The following IFT80 variants were observed in gnomAD, a reference collection of about 807,000 sequenced individuals.
The protein encoded by IFT80 is intraflagellar transport 80.
IFT80 carries 79 observed loss-of-function variants against 107.9 expected under a neutral mutation model. The observed-to-expected ratio is 0.73, with a 90% confidence interval of 0.61 to 0.88. The LOEUF (loss-of-function observed/expected upper bound fraction) is 0.88, where lower values mean the gene tolerates loss of function less well. Ranked by LOEUF, IFT80 falls within the 40% of genes least tolerant of loss-of-function variation. The pLI is 0.00. For synonymous variants in IFT80, 299 were observed against 300.9 expected (o/e 0.99, Z 0.07); for missense variants, 797 against 914.2 (o/e 0.87, Z 1.65).
chr3:160,303,867 T>A (rs1350810030), intron 11 of IFT80, 48 bp downstream of exon 11: 7 of 1,164,244 alleles, frequency 6.0e-6, no homozygotes, highest in Non-Finnish European at 3.9e-6. Context: ...AGTGCTTTAA[T>A]GCTATTTATT....
At chr3:160,398,949 T>C (rs1477142246) in intron 1 of IFT80, among the ~76,000 whole-genome samples, 197 bp downstream of exon 1, 1 of 152,162 alleles carries the variant, frequency 6.6e-6, no homozygotes, top group Admixed American at 6.5e-5. Flanking sequence ...GGTCTTCCAG[T>C]TGTCTCTCTA....
At chr3:160,262,690 T>C (rs757261844) in intron 19 of IFT80, among the ~76,000 whole-genome samples, 3 of 152,144 alleles carry the variant, frequency 2.0e-5, no homozygotes, top group Non-Finnish European at 4.4e-5. Flanking sequence ...TTGTCTCTAG[T>C]AAAGGAGAAT....
At chr3:160,309,268 C>T (rs1717048058) in intron 9 of IFT80, among the ~76,000 whole-genome samples, 1 of 152,004 alleles carries the variant, frequency 6.6e-6, no homozygotes, top group Non-Finnish European at 1.5e-5. Flanking sequence ...TAGCAAAAGA[C>T]TGGAAATAGC....
chr3:160,365,051 A>G (rs1721774492), intron 6 of IFT80, among the ~76,000 whole-genome samples: 1 of 152,052 alleles, frequency 6.6e-6, no homozygotes, highest in South Asian at 2.1e-4. Context: ...AACTAAAGGT[A>G]TAAACTAAAA....
intron 11 of IFT80, among the ~76,000 whole-genome samples, chr3:160,303,667 A>G (rs1235320266): frequency 6.6e-6 from 1 of 152,242 alleles, no homozygotes; most frequent in African/African-American, 2.4e-5. Flanking sequence ...AAATGCTGAT[A>G]TATTTAATCC....
At chr3:160,300,827 T>A (rs985991821) in intron 12 of IFT80, 56 bp downstream of exon 12, 55 of 1,385,444 alleles carry the variant, frequency 4.0e-5, no homozygotes, top group Non-Finnish European at 4.9e-5. Context: ...TTGTGAAAAT[T>A]TTATAGTGTT....
At chr3:160,312,282 C>G (rs1717330266) in intron 9 of IFT80, among the ~76,000 whole-genome samples, 1 of 151,678 alleles carries the variant, frequency 6.6e-6, no homozygotes, top group Admixed American at 6.6e-5. Flanking sequence ...ACATATGAAG[C>G]CCCATGTAGC....
At chr3:160,307,561 A>G in intron 10 of IFT80, 102 bp downstream of exon 10, 1 of 774,866 alleles carries the variant, frequency 1.3e-6, no homozygotes, top group East Asian at 2.4e-5. Flanking sequence ...GTTTTGAGAA[A>G]GTTAAGCTTA....
intron 6 of IFT80, among the ~76,000 whole-genome samples, chr3:160,363,655 C>T (rs1157252727): frequency 6.6e-6 from 1 of 152,150 alleles, no homozygotes; most frequent in Non-Finnish European, 1.5e-5. Flanking sequence ...GGTACCAAAA[C>T]AGAGATACAC....
chr3:160,265,690 T>C lies in IFT80; in HGVS notation c.2223+2723A>G, dbSNP rs1713259991. 2.6e-5 allele frequency among the ~76,000 whole-genome samples: 4 copies of C among 152,196 alleles called. No individual in the cohort carries two copies. In the South Asian group the frequency reaches 8.3e-4, roughly 31 times the overall value. On this transcript the variant is annotated intron_variant, in intron 19 of 19. Coordinates refer to ENST00000326448, the MANE Select transcript of IFT80 (RefSeq NM_020800.3). ...AAATGGCCAAATAACATTTCAGGGC[T>C]CATAAACTAAGTGTCTATCAAACTT... is the stretch of plus-strand genomic sequence containing the variant.
chr3:160,265,091 G>A (rs1386648541), intron 19 of IFT80, among the ~76,000 whole-genome samples: 1 of 152,142 alleles, frequency 6.6e-6, no homozygotes, highest in Non-Finnish European at 1.5e-5. Flanking sequence ...CAATTACCTA[G>A]ACAACTGTCA....
chr3:160,268,498 T>C lies in IFT80; in HGVS notation c.2138A>G (p.Asp713Gly), dbSNP rs1713528985. 1.4e-5 allele frequency: 23 copies of C among 1,613,244 alleles called. No individual in the cohort carries two copies. Among genetic ancestry groups the C allele is most frequent in the Non-Finnish European group, 1.8e-5 (21 of 1,179,306 alleles). Residue 713 changes from aspartate (D) to glycine (G), a missense_variant, in exon 19 of 20, where the codon GAT (aspartate) becomes GGT (glycine). By Grantham distance (94) the Asp-to-Gly change is moderately conservative (BLOSUM62 -1). Coordinates refer to ENST00000326448, the MANE Select transcript of IFT80 (RefSeq NM_020800.3). Reference sequence around the variant, plus strand: ...CTTTTGACGGTAAGCAAGAACTGTATCAACATGTGTTTTGTATTTTACAGC... The same window carrying C: ...CTTTTGACGGTAAGCAAGAACTGTACCAACATGTGTTTTGTATTTTACAGC... Reference protein sequence around the residue: ...ELAVKYKTHVDTVLAYRQKFL... With the variant: ...ELAVKYKTHVGTVLAYRQKFL...
At chr3:160,332,315 A>C (rs894570568) in intron 8 of IFT80, among the ~76,000 whole-genome samples, 2 of 152,192 alleles carry the variant, frequency 1.3e-5, no homozygotes, top group African/African-American at 2.4e-5. Context: ...GGGTGTCATC[A>C]AGAACATGAA....
chr3:160,377,498 CT>C lies in IFT80; in HGVS notation c.301del (p.Ser101ValfsTer2), dbSNP rs760622238. ...TACTGCTCCACAGTGAGCTTCTACA[CT>C]TTTTTCCACTCTTCCTAACTTGGAA... ...LISKLGRVEK[S>X]VEAHCGAVLA... On this transcript the variant is annotated frameshift_variant, in exon 4 of 20. Coordinates refer to ENST00000326448, the MANE Select transcript of IFT80 (RefSeq NM_020800.3). LOFTEE classifies it high-confidence loss of function. 1.2e-5 allele frequency: 19 copies of C among 1,609,562 alleles called. No individual in the cohort carries two copies. Among genetic ancestry groups the C allele is most frequent in the Non-Finnish European group, 1.6e-5 (19 of 1,177,202 alleles).
At chr3:160,280,840 G>A in intron 14 of IFT80, 26 bp from the exon 15 acceptor site, 1 of 1,597,282 alleles carries the variant, frequency 6.3e-7, no homozygotes, top group Non-Finnish European at 8.6e-7. Context: ...ATGTTAATGT[G>A]CTATTAGCTT....
At chr3:160,294,314 G>A (rs1244442435) in intron 12 of IFT80, among the ~76,000 whole-genome samples, 1 of 152,134 alleles carries the variant, frequency 6.6e-6, no homozygotes, top group African/African-American at 2.4e-5. Flanking sequence ...TGCCTCAAGA[G>A]GGCTCAAGCT....
At chr3:160,368,379 A>T (rs1035687938) in intron 5 of IFT80, among the ~76,000 whole-genome samples, 4 of 138,766 alleles carry the variant, frequency 2.9e-5, no homozygotes, top group Admixed American at 2.8e-4. Context: ...AAAAAAAAAA[A>T]CCCTGAAACA....
At chr3:160,308,883 T>C (rs1717020572) in intron 9 of IFT80, among the ~76,000 whole-genome samples, 1 of 152,126 alleles carries the variant, frequency 6.6e-6, no homozygotes, top group Non-Finnish European at 1.5e-5. Context: ...GGTGTTCTTA[T>C]AAAAGAGGAC....
chr3:160,320,828 C>CT (rs2108299391), intron 8 of IFT80, among the ~76,000 whole-genome samples: 1 of 151,670 alleles, frequency 6.6e-6, no homozygotes, highest in Non-Finnish European at 1.5e-5. Flanking sequence ...TCATTATTAG[C>CT]TACAGGCTCA....
Sources: gnomAD v4.1 joint callset for allele counts (sites outside exome capture counted in the v4.1 genomes callset) on GRCh38, gnomAD v4.1.1 for gene constraint, MANE v1.5 for transcripts, NCBI Gene and HGNC (gene_info 2026-07-23, HGNC 2026-07-21) for gene names.